The following NRP2 variants were observed in gnomAD, a reference collection of about 807,000 sequenced individuals.
The protein encoded by NRP2 is neuropilin 2, also known as neuropilin-2.
Under a neutral mutation model 110.4 loss-of-function variants are expected in NRP2, and 52 were observed. The ratio of observed to expected loss-of-function variants is 0.47; its 90% CI spans 0.38 to 0.59. The LOEUF is 0.59. Ranked by LOEUF, NRP2 falls within the 20% of genes least tolerant of loss-of-function variation. The probability of loss-of-function intolerance (pLI) is 0.00; values close to 1 mark genes in which losing one functional copy is unlikely to be tolerated. For missense variants in NRP2, 1,049 were observed against 1,203.0 expected (o/e 0.87, Z 1.89); for synonymous variants, 508 against 468.9 (o/e 1.08, Z -1.08).
At chr2:205,693,718 C>T (rs935022080) in intron 1 of NRP2, among the ~76,000 whole-genome samples, 4 of 152,144 alleles carry the variant, frequency 2.6e-5, no homozygotes, top group Non-Finnish European at 4.4e-5. Flanking sequence ...TCCCATCACC[C>T]CAGACTCACC....
chr2:205,774,383 C>T (rs13001762), intron 15 of NRP2, among the ~76,000 whole-genome samples: 7,494 of 152,178 alleles, frequency 0.049, 341 homozygotes, highest in African/African-American at 0.12. Context: ...ACAAAGAGGG[C>T]AGGCAATAAG....
Position 205,762,824 on chromosome 2 carries a change from C to T in NRP2, c.2045-850C>T, listed in dbSNP as rs187386198. On this transcript the variant is annotated intron_variant, in intron 12 of 16. Transcript: ENST00000357785. The stretch of plus-strand genomic sequence containing the variant: ...TAGTCTGCCAACAGCAACAAGAACT[C>T]GGTCTTCCACATGAGTGTCTGATGA... 2.8e-4 allele frequency among the ~76,000 whole-genome samples: 43 copies of T among 152,316 alleles called. 1 individual carries two copies. The highest frequency in any genetic ancestry group is 5.1e-4 in the Non-Finnish European group (35 of 68,020).
chr2:205,774,936 G>T (rs752964927), intron 15 of NRP2, among the ~76,000 whole-genome samples: 3 of 152,088 alleles, frequency 2.0e-5, no homozygotes, highest in Non-Finnish European at 4.4e-5. Context: ...CTTAGGGTGG[G>T]TAGTGTAAGG....
At chr2:205,779,854 A>T (rs1028520935) in intron 15 of NRP2, 3 of 152,206 alleles carry the variant, frequency 2.0e-5, no homozygotes, top group Non-Finnish European at 4.4e-5. Flanking sequence ...TTTCTCCTTG[A>T]GGCTGAATGC....
chr2:205,683,064 G>C lies in NRP2; in HGVS notation c.-227G>C. On this transcript the variant is annotated 5_prime_UTR_variant, in exon 1 of 17. Transcript: ENST00000357785. ...AAGAGGAAAACCGTGTTCTCTTCCC[G>C]GCTTGTTCCCTCTTTGCTGATTTCA... The C allele has an allele frequency of 1.8e-6, 1 of 566,550 alleles. No homozygotes were observed. Among genetic ancestry groups the C allele is most frequent in the Non-Finnish European group, 3.1e-6 (1 of 318,058 alleles). 35.1% of individuals were successfully genotyped at this position (566,550 alleles called of 1,614,324 possible).
At chr2:205,791,499 A>G (rs1455992305) in intron 15 of NRP2, among the ~76,000 whole-genome samples, 2 of 152,232 alleles carry the variant, frequency 1.3e-5, no homozygotes, top group Non-Finnish European at 2.9e-5. Context: ...GAATAGAGAG[A>G]CCTGTATTAT....
chr2:205,778,813 T>A, intron 15 of NRP2: 1 of 152,214 alleles, frequency 6.6e-6, no homozygotes, highest in South Asian at 2.1e-4. Flanking sequence ...CATGCCTTAG[T>A]TGAGAATATG....
At chr2:205,743,684 T>C (rs2057486478) in intron 9 of NRP2, 132 bp downstream of exon 9, 25 of 1,464,582 alleles carry the variant, frequency 1.7e-5, no homozygotes, top group Non-Finnish European at 2.2e-5. Context: ...AAAACAAATA[T>C]CGTTTGAGAG....
At position 205,686,856 on chromosome 2, in the gene NRP2, A is replaced by G. The variant is rs762865087; in HGVS notation, c.73+3493A>G. On this transcript the variant is annotated intron_variant, in intron 1 of 16. Coordinates refer to ENST00000357785, the MANE Select transcript of NRP2 (RefSeq NM_003872.3). The surrounding 1 kb of genome is among the most constrained non-coding windows in gnomAD (Gnocchi z 4.7). ...TCTTTCGGTTTCAGACAGAGAGGAG[A>G]GCCCCCTGGCGCTAGCCATTCCCGA... 4.6e-5 allele frequency among the ~76,000 whole-genome samples: 7 copies of G among 152,210 alleles called. No individual in the cohort carries two copies. Among genetic ancestry groups the G allele is most frequent in the South Asian group, 2.1e-4 (1 of 4,822 alleles).
intron 10 of NRP2, among the ~76,000 whole-genome samples, chr2:205,747,636 T>C (rs2057562222): frequency 6.6e-6 from 1 of 152,102 alleles, no homozygotes. Flanking sequence ...GTTTGGGAAA[T>C]ATCACAGACC....
At chr2:205,760,657 G>C (rs959384060) in intron 12 of NRP2, 1 of 152,156 alleles carries the variant, frequency 6.6e-6, no homozygotes, top group African/African-American at 2.4e-5. Flanking sequence ...ACCTGGTGGG[G>C]TGGGTCACTG....
At chr2:205,768,909 C>T (rs1043408089) in intron 15 of NRP2, among the ~76,000 whole-genome samples, 3 of 152,140 alleles carry the variant, frequency 2.0e-5, no homozygotes, top group African/African-American at 2.4e-5. Context: ...CACCTTGGCA[C>T]GTTTTACATG....
intron 1 of NRP2, among the ~76,000 whole-genome samples, chr2:205,684,563 C>T (rs1285845964): frequency 6.6e-6 from 1 of 152,078 alleles, no homozygotes; most frequent in Non-Finnish European, 1.5e-5. Flanking sequence ...TCTCCTCACG[C>T]CCCCCACCAG....
At chr2:205,785,957 A>G (rs2058231827) in intron 15 of NRP2, among the ~76,000 whole-genome samples, 1 of 152,158 alleles carries the variant, frequency 6.6e-6, no homozygotes, top group South Asian at 2.1e-4. Context: ...TATTTTTTCC[A>G]TGACCGTGCC....
At chr2:205,692,762 A>G (rs1199615187) in intron 1 of NRP2, among the ~76,000 whole-genome samples, 3 of 152,160 alleles carry the variant, frequency 2.0e-5, no homozygotes, top group African/African-American at 7.2e-5. Flanking sequence ...ACCTTGAGTA[A>G]ATGTCTTATT....
intron 15 of NRP2, among the ~76,000 whole-genome samples, chr2:205,774,900 GT>G: frequency 6.6e-6 from 1 of 152,266 alleles, no homozygotes; most frequent in Middle Eastern, 3.4e-3. Context: ...ATGAGAGTGA[GT>G]TCCTCTGCTT....
At chr2:205,715,538 G>A (rs561193857) in intron 2 of NRP2, among the ~76,000 whole-genome samples, 1 of 152,318 alleles carries the variant, frequency 6.6e-6, no homozygotes, top group Admixed American at 6.5e-5. Flanking sequence ...CTGCTGATGG[G>A]AACCTCGCAG....
At chr2:205,787,705 T>TA (rs3834159) in intron 15 of NRP2, among the ~76,000 whole-genome samples, 34,348 of 143,214 alleles carry the variant, frequency 0.24, 4,249 homozygotes, top group South Asian at 0.39. Flanking sequence ...AGAGGAAAGA[T>TA]AAAAAAAAGT....
intron 15 of NRP2, among the ~76,000 whole-genome samples, chr2:205,771,475 T>C (rs1462746848): frequency 6.6e-6 from 1 of 152,204 alleles, no homozygotes; most frequent in Non-Finnish European, 1.5e-5. Context: ...AGGCCAGTCC[T>C]AAAACAATTC....
Sources: allele counts gnomAD v4.1 joint callset (sites outside exome capture counted in the v4.1 genomes callset), GRCh38; gene constraint gnomAD v4.1.1; non-coding constraint Gnocchi (gnomAD v3.1); transcripts MANE v1.5; gene names NCBI Gene and HGNC (gene_info 2026-07-23, HGNC 2026-07-21).